Variants in USP34 observed in about 807,000 individuals in gnomAD.
USP34 encodes the protein ubiquitin specific peptidase 34.
Under a neutral mutation model 460.3 loss-of-function variants are expected in USP34, and 70 were observed. That is an observed-to-expected ratio of 0.15 (90% CI 0.13 to 0.19). The LOEUF is 0.19. USP34 is among the 10% of genes least tolerant of loss of function. The probability of loss-of-function intolerance (pLI) is 1.00; values close to 1 mark genes in which losing one functional copy is unlikely to be tolerated. For synonymous variants in USP34, 1,647 were observed against 1,405.3 expected (o/e 1.17, Z -3.85); for missense variants, 3,985 against 4,236.2 (o/e 0.94, Z 1.65).
chr2:61,365,795 A>G (rs1692418897), intron 10 of USP34, among the ~76,000 whole-genome samples: 1 of 152,178 alleles, frequency 6.6e-6, no homozygotes, highest in South Asian at 2.1e-4. Context: ...AAAATGAGAA[A>G]GGAGAAAATT....
chr2:61,376,249 G>C lies in USP34; in HGVS notation c.1076+2114C>G, dbSNP rs143224773. Among the ~76,000 whole-genome samples the C allele has an allele frequency of 2.7e-5, 4 of 150,428 alleles. No homozygotes were observed. The East Asian group carries it at 7.7e-4, about 29-fold the overall frequency. ...ACTGCTTAAAAATACCCAATTCACAGCCGCCAACAATATTTATCACATGCT... is the reference window on the plus strand; with the variant it reads ...ACTGCTTAAAAATACCCAATTCACACCCGCCAACAATATTTATCACATGCT... On this transcript the variant is annotated intron_variant, in intron 8 of 79. Transcript: ENST00000398571.
At chr2:61,399,810 T>C (rs1259303508) in intron 3 of USP34, among the ~76,000 whole-genome samples, 1 of 135,894 alleles carries the variant, frequency 7.4e-6, no homozygotes, top group African/African-American at 2.7e-5. Context: ...GAGGCAGAGG[T>C]TGCAGTGAGC....
chr2:61,290,847 A>C (rs1385723151), intron 33 of USP34, among the ~76,000 whole-genome samples: 1 of 152,170 alleles, frequency 6.6e-6, no homozygotes, highest in East Asian at 1.9e-4. Context: ...GAGAGCTAAA[A>C]CCAGAAACCT....
At chr2:61,190,133 A>T in intron 78 of USP34, 138 bp downstream of exon 78, 1 of 1,217,768 alleles carries the variant, frequency 8.2e-7, no homozygotes, top group Non-Finnish European at 1.1e-6. Context: ...GTGTATTTAA[A>T]ACTTGTTTTT....
intron 15 of USP34, among the ~76,000 whole-genome samples, chr2:61,345,038 C>T (rs750122157): frequency 3.9e-5 from 6 of 152,198 alleles, no homozygotes; most frequent in South Asian, 2.1e-4. Flanking sequence ...TTTGGGAGGC[C>T]GAGGCAGGCG....
At chr2:61,446,470 A>G (rs1308486920) in intron 1 of USP34, among the ~76,000 whole-genome samples, 2 of 152,204 alleles carry the variant, frequency 1.3e-5, no homozygotes, top group Non-Finnish European at 1.5e-5. Context: ...ATGAAAACTG[A>G]AATCATGTAA....
chr2:61,361,489 A>G (rs925931278), intron 10 of USP34, among the ~76,000 whole-genome samples: 5 of 152,048 alleles, frequency 3.3e-5, no homozygotes, highest in African/African-American at 1.2e-4. Context: ...ACAAATAAAA[A>G]CCCCAGAAAC....
intron 71 of USP34, 139 bp from the exon 72 acceptor site, chr2:61,206,263 T>G (rs1270873770): frequency 3.0e-6 from 2 of 673,248 alleles, no homozygotes; most frequent in African/African-American, 3.6e-5. Flanking sequence ...GCTAAGTCAT[T>G]TTCATGAGAT....
At chr2:61,202,445 C>T (rs810354) in intron 75 of USP34, among the ~76,000 whole-genome samples, 1,545 of 152,196 alleles carry the variant, frequency 0.01, 4 homozygotes, top group Non-Finnish European at 0.017. Context: ...AGATAGAGGA[C>T]CTCTGGAGGA....
At chr2:61,357,547 C>A in intron 10 of USP34, among the ~76,000 whole-genome samples, 1 of 151,676 alleles carries the variant, frequency 6.6e-6, no homozygotes, top group African/African-American at 2.4e-5. Flanking sequence ...AGAAACAAAC[C>A]TAAAGCTAGT....
chr2:61,320,484 C>T (rs1281672252), intron 21 of USP34, among the ~76,000 whole-genome samples: 3 of 142,666 alleles, frequency 2.1e-5, no homozygotes, highest in African/African-American at 7.6e-5. Flanking sequence ...GGCAGTGGCC[C>T]GGGCCAGGAA....
chr2:61,262,329 T>C (rs182563105), intron 43 of USP34, among the ~76,000 whole-genome samples: 4 of 152,140 alleles, frequency 2.6e-5, no homozygotes, highest in Non-Finnish European at 5.9e-5. Context: ...TTCAATCCTG[T>C]TCCTCTTCCC....
intron 56 of USP34, 49 bp downstream of exon 56, chr2:61,235,977 T>A: frequency 6.3e-7 from 1 of 1,595,534 alleles, no homozygotes; most frequent in Non-Finnish European, 8.5e-7. Context: ...CCAAAAGATA[T>A]CTGATAAAAA....
intron 1 of USP34, among the ~76,000 whole-genome samples, chr2:61,469,884 G>C (rs977025628): frequency 2.6e-5 from 4 of 152,106 alleles, no homozygotes; most frequent in Non-Finnish European, 4.4e-5. Flanking sequence ...GGCCAGAAAA[G>C]ATCAACGTAC....
At chr2:61,390,007 T>A (rs1248863388) in intron 5 of USP34, among the ~76,000 whole-genome samples, 1 of 152,130 alleles carries the variant, frequency 6.6e-6, no homozygotes, top group African/African-American at 2.4e-5. Flanking sequence ...AAATATGTAA[T>A]CCTACCCTAG....
At chr2:61,352,869 G>A (rs896578438) in intron 10 of USP34, among the ~76,000 whole-genome samples, 2 of 152,048 alleles carry the variant, frequency 1.3e-5, no homozygotes, top group East Asian at 3.9e-4. Flanking sequence ...CAAAGACGAT[G>A]AAGACGAAAA....
intron 3 of USP34, among the ~76,000 whole-genome samples, chr2:61,400,051 T>C (rs1222429731): frequency 7.1e-6 from 1 of 140,550 alleles, no homozygotes; most frequent in African/African-American, 2.6e-5. Flanking sequence ...GCAGAGAAAT[T>C]TGGTTATTTT....
chr2:61,288,433 C>T (rs13383634), intron 34 of USP34, among the ~76,000 whole-genome samples: 1 of 152,182 alleles, frequency 6.6e-6, no homozygotes, highest in Non-Finnish European at 1.5e-5. Flanking sequence ...ATATAAATTA[C>T]TGAGTTCAAA....
chr2:61,260,477 T>C (rs1057472599), intron 43 of USP34, among the ~76,000 whole-genome samples: 2 of 152,226 alleles, frequency 1.3e-5, no homozygotes, highest in Admixed American at 6.5e-5. Context: ...TGTGGAATAA[T>C]AGGCGTCCAC....
Sources: gnomAD v4.1 joint callset for allele counts (sites outside exome capture counted in the v4.1 genomes callset) on GRCh38, gnomAD v4.1.1 for gene constraint, MANE v1.5 for transcripts, NCBI Gene and HGNC (gene_info 2026-07-23, HGNC 2026-07-21) for gene names.